SUSD4: variants seen among roughly 807,000 people sequenced by gnomAD.
SUSD4 encodes the protein sushi domain containing 4.
SUSD4 carries 41 observed loss-of-function variants against 50.5 expected under a neutral mutation model. The ratio of observed to expected loss-of-function variants is 0.81; its 90% confidence interval spans 0.63 to 1.05. SUSD4 has a LOEUF of 1.05. Ranked by LOEUF, SUSD4 falls within the 50% of genes least tolerant of loss-of-function variation. SUSD4 has a pLI of 0.00. For missense variants in SUSD4, 580 were observed against 634.7 expected (o/e 0.91, Z 0.93); for synonymous variants, 257 against 257.3 (o/e 1.00, Z 0.01).
intron 2 of SUSD4, among the ~76,000 whole-genome samples, chr1:223,355,192 A>C (rs1291387726): frequency 6.6e-6 from 1 of 151,572 alleles, no homozygotes; most frequent in Non-Finnish European, 1.5e-5. Context: ...CTCCTGTTTC[A>C]GCCTGCTGGG....
At chr1:223,340,374 G>A (rs373353052) in intron 2 of SUSD4, among the ~76,000 whole-genome samples, 3 of 152,198 alleles carry the variant, frequency 2.0e-5, no homozygotes, top group African/African-American at 7.2e-5. Context: ...GATACAAAAA[G>A]ATGCCCTGAC....
At chr1:223,300,612 T>C (rs1665127144) in intron 2 of SUSD4, among the ~76,000 whole-genome samples, 1 of 151,670 alleles carries the variant, frequency 6.6e-6, no homozygotes, top group African/African-American at 2.4e-5. Flanking sequence ...TGGGTTTCCA[T>C]TTCTCTGTAA....
In SUSD4 at chr1:223,231,194, G is replaced by A. The variant is rs1659874491; in HGVS notation, c.725-1806C>T. Among the ~76,000 whole-genome samples, 1 of 152,136 alleles carries A rather than the reference G, an allele frequency of 6.6e-6. No homozygotes were observed. The highest frequency in any genetic ancestry group is 1.5e-5 in the Non-Finnish European group (1 of 68,020). ...TCCCCAGGGCAGGAACAGTGAGGGA[G>A]AAGTAGCCTGGTTCTCCACCTGCCC... On this transcript the variant is annotated intron_variant, in intron 5 of 8. Coordinates refer to ENST00000366878, the MANE Select transcript of SUSD4 (RefSeq NM_017982.4). The surrounding 1 kb of genome is among the most constrained non-coding windows in gnomAD (Gnocchi z 4.2).
chr1:223,276,237 C>T (rs929510126), intron 3 of SUSD4, among the ~76,000 whole-genome samples: 6 of 152,216 alleles, frequency 3.9e-5, no homozygotes, highest in Admixed American at 2.6e-4. Flanking sequence ...AGTCACTGTG[C>T]GACCTTTATA....
In SUSD4 at chr1:223,352,649, C is replaced by T. The variant is rs149934366; in HGVS notation, c.148+10629G>A. Among the ~76,000 whole-genome samples the T allele has an allele frequency of 2.4e-3, 369 of 152,198 alleles. 2 individuals are homozygous for T. Among genetic ancestry groups the T allele is most frequent in the Middle Eastern group, 0.017 (5 of 294 alleles). ...CATTCCTGCAAAGGACTAGGAATCC[C>T]AAGATCTCCAGCCCACAGACACCCA... On this transcript the variant is annotated intron_variant, in intron 2 of 8. Coordinates refer to ENST00000366878, the MANE Select transcript of SUSD4 (RefSeq NM_017982.4).
At chr1:223,267,112 G>A (rs1662542511) in intron 4 of SUSD4, among the ~76,000 whole-genome samples, 1 of 152,208 alleles carries the variant, frequency 6.6e-6, no homozygotes, top group Admixed American at 6.5e-5. Flanking sequence ...TCTTGACTGG[G>A]ATTTGAGGAA....
intron 5 of SUSD4, among the ~76,000 whole-genome samples, chr1:223,235,657 C>T (rs980322398): frequency 6.6e-6 from 1 of 152,010 alleles, no homozygotes; most frequent in Non-Finnish European, 1.5e-5. Context: ...TAGTAATATG[C>T]ATTTGAAGTT....
At chr1:223,288,054 G>C (rs977130794) in intron 3 of SUSD4, among the ~76,000 whole-genome samples, 1 of 152,144 alleles carries the variant, frequency 6.6e-6, no homozygotes, top group African/African-American at 2.4e-5. Flanking sequence ...TCCTGCTAGA[G>C]GGATTTGGCT....
intron 3 of SUSD4, among the ~76,000 whole-genome samples, chr1:223,285,505 T>A (rs1664078870): frequency 6.6e-6 from 1 of 152,084 alleles, no homozygotes; most frequent in Non-Finnish European, 1.5e-5. Flanking sequence ...AAAGCAACGA[T>A]AAGGTATGCA....
upstream of SUSD4, among the ~76,000 whole-genome samples, chr1:223,364,410 G>A (rs1436880967): frequency 3.3e-4 from 48 of 147,468 alleles, no homozygotes; most frequent in Non-Finnish European, 5.7e-4. The surrounding 1 kb of genome is among the most constrained non-coding windows in gnomAD (Gnocchi z 4.5). Context: ...GGGCGCGCGA[G>A]CACGCGCCTC....
intron 2 of SUSD4, among the ~76,000 whole-genome samples, chr1:223,339,033 A>C (rs1195631026): frequency 6.6e-6 from 1 of 152,108 alleles, no homozygotes; most frequent in Admixed American, 6.5e-5. Context: ...CTCCAGGGAG[A>C]GTGTAGGAGG....
intron 2 of SUSD4, among the ~76,000 whole-genome samples, chr1:223,317,738 A>G (rs1666287799): frequency 6.6e-6 from 1 of 151,678 alleles, no homozygotes. Context: ...TTATTATTAA[A>G]TCAATGTCTC....
At chr1:223,285,562 C>T (rs1426713260) in intron 3 of SUSD4, among the ~76,000 whole-genome samples, 1 of 152,142 alleles carries the variant, frequency 6.6e-6, no homozygotes, top group Non-Finnish European at 1.5e-5. Flanking sequence ...ATGTGCTTTC[C>T]TTGTGTGTAA....
chr1:223,242,206 G>T (rs1021381966), intron 5 of SUSD4, among the ~76,000 whole-genome samples: 1 of 152,184 alleles, frequency 6.6e-6, no homozygotes, highest in Non-Finnish European at 1.5e-5. Flanking sequence ...GCCTCCCAAA[G>T]TGCTGGGATT....
intron 3 of SUSD4, among the ~76,000 whole-genome samples, chr1:223,281,407 TCAC>T (rs918660944): frequency 1.3e-5 from 2 of 152,044 alleles, no homozygotes; most frequent in African/African-American, 4.8e-5. Context: ...AAAGGGGATA[TCAC>T]CACCAATCCC....
chr1:223,234,910 G>C, intron 5 of SUSD4: 1 of 1,554,238 alleles, frequency 6.4e-7, no homozygotes, highest in Non-Finnish European at 8.6e-7. Context: ...GATAAAAATG[G>C]AATGTTTAAT....
At chr1:223,276,360 G>C (rs1329756366) in intron 3 of SUSD4, among the ~76,000 whole-genome samples, 1 of 152,226 alleles carries the variant, frequency 6.6e-6, no homozygotes, top group Non-Finnish European at 1.5e-5. Flanking sequence ...TACAGAAAGA[G>C]TGAGGTCTCA....
chr1:223,323,922 T>TA (rs1203791981), intron 2 of SUSD4, among the ~76,000 whole-genome samples: 2 of 151,486 alleles, frequency 1.3e-5, no homozygotes, highest in African/African-American at 4.9e-5. Flanking sequence ...CCCAATTATT[T>TA]TAAAAAAAAA....
chr1:223,362,225 C>T (rs1294272398), intron 2 of SUSD4, among the ~76,000 whole-genome samples: 24 of 152,180 alleles, frequency 1.6e-4, no homozygotes, highest in Admixed American at 1.5e-3. Flanking sequence ...TTACACCTCT[C>T]CTCCACTTTT....
Sources: allele counts gnomAD v4.1 joint callset (sites outside exome capture counted in the v4.1 genomes callset), GRCh38; gene constraint gnomAD v4.1.1; non-coding constraint Gnocchi (gnomAD v3.1); transcripts MANE v1.5; gene names NCBI Gene and HGNC (gene_info 2026-07-23, HGNC 2026-07-21).